The following COL6A2 variants were observed in gnomAD, a reference collection of about 807,000 sequenced individuals.
COL6A2 encodes the protein collagen alpha-2(VI) chain.
COL6A2 carries 90 observed loss-of-function variants against 124.9 expected under a neutral mutation model. The ratio of observed to expected loss-of-function variants is 0.72; its 90% CI spans 0.61 to 0.86. COL6A2 has a LOEUF of 0.86. COL6A2 is among the 40% of genes least tolerant of loss of function. The pLI, the probability that COL6A2 is intolerant of heterozygous loss-of-function variation, is 0.00. For missense variants in COL6A2, 1,607 were observed against 1,502.5 expected (o/e 1.07, Z -1.15); for synonymous variants, 793 against 618.2 (o/e 1.28, Z -4.19).
chr21:46,116,956 CGA>C lies in COL6A2; in HGVS notation c.999+143_999+144del. Reference sequence around the variant, plus strand: ...ACACACACACACACACACACACACACGAACTTCAGCTCCTGCCACATCCCACT... The same window carrying C: ...ACACACACACACACACACACACACACACTTCAGCTCCTGCCACATCCCACT... On this transcript the variant is annotated intron_variant, in intron 10 of 27. Transcript: ENST00000300527. The surrounding 1 kb of genome is among the most constrained non-coding windows in gnomAD (Gnocchi z 4.6). 1.2e-6 allele frequency: 1 copy of C among 813,324 alleles called. No homozygotes were observed. Among genetic ancestry groups the C allele is most frequent in the Non-Finnish European group, 2.0e-6 (1 of 506,120 alleles). 50.4% of individuals were successfully genotyped at this position (813,324 alleles called of 1,614,324 possible). A position where few individuals can be genotyped will look rare whatever the true frequency, so the allele number is the denominator to read the frequency against.
rs572242280 is a variant in COL6A2 at position 46,101,636 on chromosome 21, C to A, written c.-28+3463C>A. Reference sequence around the variant, plus strand: ...ATGTGGATATCTAGTTGTCTCTGCACCGTTTGTTGAAAAGACTGTCTTTAT... The same window carrying A: ...ATGTGGATATCTAGTTGTCTCTGCAACGTTTGTTGAAAAGACTGTCTTTAT... On this transcript the variant is annotated intron_variant, in intron 1 of 27. Coordinates refer to ENST00000300527, the MANE Select transcript of COL6A2 (RefSeq NM_001849.4). Among the ~76,000 whole-genome samples the A allele has an allele frequency of 4.9e-4, 74 of 152,136 alleles. 1 individual carries two copies. The highest frequency in any genetic ancestry group is 1.0e-3 in the Non-Finnish European group (69 of 67,986).
intron 14 of COL6A2, 117 bp downstream of exon 14, chr21:46,119,236 A>G: frequency 1.2e-6 from 1 of 807,318 alleles, no homozygotes; most frequent in Non-Finnish European, 2.1e-6. Context: ...CTGGCAAGGC[A>G]CAGCCAGGCC....
intron 1 of COL6A2, among the ~76,000 whole-genome samples, chr21:46,101,457 A>G (rs1403592166): frequency 1.3e-5 from 2 of 152,156 alleles, no homozygotes; most frequent in Non-Finnish European, 2.9e-5. Context: ...TTATTGTCAT[A>G]CCCAAGAAAT....
intron 18 of COL6A2, 61 bp from the exon 19 acceptor site, chr21:46,122,047 A>G (rs1295566924): frequency 1.9e-6 from 3 of 1,568,322 alleles, no homozygotes; most frequent in Non-Finnish European, 2.6e-6. Context: ...CCTGTTGAGC[A>G]CAGCCCCCCA....
intron 27 of COL6A2, among the ~76,000 whole-genome samples, chr21:46,130,414 C>T (rs2078745762): frequency 1.3e-5 from 2 of 152,114 alleles, no homozygotes; most frequent in Non-Finnish European, 2.9e-5. Context: ...ACTGCAGGAG[C>T]CCTCATCCAG....
chr21:46,127,093 G>T (rs1409574718), intron 27 of COL6A2, among the ~76,000 whole-genome samples: 3 of 152,138 alleles, frequency 2.0e-5, no homozygotes, highest in Admixed American at 6.5e-5. Context: ...TGCCGTCCAG[G>T]CTCTGCTGGA....
rs550748412 is a variant in COL6A2 at position 46,125,149 on chromosome 21, C to T, written c.1771-117C>T. 1,319 of 1,118,484 alleles carry T rather than the reference C, an allele frequency of 1.2e-3. 4 individuals carry two copies. The highest frequency in any genetic ancestry group is 5.7e-3 in the Middle Eastern group (26 of 4,592). 69.3% of individuals were successfully genotyped at this position (1,118,484 alleles called of 1,614,324 possible). On this transcript the variant is annotated intron_variant, in intron 23 of 27. Transcript: ENST00000300527. ...TAGGGACAGGACCCGCCAGCCTCCC[C>T]GCATGGCTGCCTCCACACGTGGGCT...
intron 27 of COL6A2, among the ~76,000 whole-genome samples, chr21:46,130,416 C>T (rs1265547731): frequency 2.0e-5 from 3 of 152,134 alleles, no homozygotes; most frequent in Non-Finnish European, 1.5e-5. Flanking sequence ...TGCAGGAGCC[C>T]TCATCCAGGC....
chr21:46,112,505 C>G lies in COL6A2; in HGVS notation c.642C>G (p.Asn214Lys). Reference protein sequence around the residue: ...IASTPHELYRNDYATMLPDST... With the variant: ...IASTPHELYRKDYATMLPDST... Reference sequence around the variant, plus strand: ...GCACGCCGCACGAGCTCTACCGCAACGACTACGCCACCATGCTGCCCGACT... The same window carrying G: ...GCACGCCGCACGAGCTCTACCGCAAGGACTACGCCACCATGCTGCCCGACT... Residue 214 changes from asparagine (N) to lysine (K), a missense_variant, in exon 3 of 28, where the codon AAC (asparagine) becomes AAG (lysine). This residue lies in a region of COL6A2 where 342 missense variants were observed against 381.5 expected (regional missense o/e 0.90). Transcript: ENST00000300527. 1.9e-6 allele frequency: 3 copies of G among 1,611,948 alleles called. No homozygotes were observed. Among genetic ancestry groups the G allele is most frequent in the Non-Finnish European group, 1.7e-6 (2 of 1,179,850 alleles).
At chr21:46,112,963 G>A (rs2078425983) in intron 4 of COL6A2, 139 bp downstream of exon 4, 1 of 1,094,882 alleles carries the variant, frequency 9.1e-7, no homozygotes, top group Non-Finnish European at 1.4e-6. Flanking sequence ...TGTTGGACCT[G>A]AGGCCTTGGA....
intron 1 of COL6A2, among the ~76,000 whole-genome samples, chr21:46,111,159 C>G (rs2078393005): frequency 6.6e-6 from 1 of 152,166 alleles, no homozygotes; most frequent in South Asian, 2.1e-4. Context: ...GCTACCCACT[C>G]CACCCAGCCC....
In COL6A2 at chr21:46,122,072, T is replaced by C. The variant is rs9976026; in HGVS notation, c.1522-36T>C. 263,172 of 1,609,124 alleles carry C rather than the reference T, an allele frequency of 0.16. 24,245 individuals carry two copies. The highest frequency in any genetic ancestry group is 0.19 in the Non-Finnish European group (226,713 of 1,177,142). ...ACAGCCCCCCAGCCCCACCCCGTCCTATGACCATGCTGACCGACTCAACGT... is the reference window on the plus strand; with the variant it reads ...ACAGCCCCCCAGCCCCACCCCGTCCCATGACCATGCTGACCGACTCAACGT... On this transcript the variant is annotated intron_variant, in intron 18 of 27. Transcript: ENST00000300527.
chr21:46,111,358 C>T, intron 1 of COL6A2, 92 bp from the exon 2 acceptor site: 2 of 697,430 alleles, frequency 2.9e-6, no homozygotes, highest in South Asian at 3.3e-5. Context: ...TGCCCCCAAT[C>T]CCGCTGACCT....
At chr21:46,128,979 C>A in intron 27 of COL6A2, 4 of 1,608,354 alleles carry the variant, frequency 2.5e-6, no homozygotes, top group Non-Finnish European at 3.4e-6. Flanking sequence ...CCGTGCGGGT[C>A]TCCTAGCTCC....
Position 46,120,532 on chromosome 21 carries a change from G to T in COL6A2, c.1350G>T (p.Glu450Asp). The T allele has an allele frequency of 6.7e-7, 1 of 1,485,332 alleles. No homozygotes were observed. The highest frequency in any genetic ancestry group is 2.7e-5 in the Admixed American group (1 of 37,526). The allele number at this position is 1,485,332 out of a possible 1,614,324, so 92.0% of individuals were successfully genotyped here. The part of the protein sequence containing the change: ...PKGEKGDPGP[E>D]GPRGLAGEVG... ...TCCCACAGGGGGACCCTGGCCCTGA[G>T]GGGCCCCGCGGCCTGGCTGGAGAGG... The change falls in exon 16 of 28, where the codon GAG becomes GAT. Residue 450 changes from glutamate to aspartate, a missense_variant. Glu to Asp is a conservative substitution (Grantham distance 45, BLOSUM62 2). Coordinates refer to ENST00000300527, the MANE Select transcript of COL6A2 (RefSeq NM_001849.4).
chr21:46,116,404 G>A lies in COL6A2; in HGVS notation c.927+1G>A. On this transcript the variant is annotated splice_donor_variant, in intron 8 of 27. Transcript: ENST00000300527. LOFTEE classifies it high-confidence loss of function. The surrounding 1 kb of genome is among the most constrained non-coding windows in gnomAD (Gnocchi z 4.6). ...CGTTCCTGGCTTCAAAGGAGAGAAG[G>A]TGAGGCTCTTGCCCTGACAGACCTC... 1 of 1,613,030 alleles carries A rather than the reference G, an allele frequency of 6.2e-7. No individual in the cohort carries two copies. The highest frequency in any genetic ancestry group is 8.5e-7 in the Non-Finnish European group (1 of 1,180,020).
rs755252618 is a variant in COL6A2 at position 46,116,853 on chromosome 21, C to T, written c.999+39C>T. 13 of 1,610,814 alleles carry T rather than the reference C, an allele frequency of 8.1e-6. No individual in the cohort carries two copies. The highest frequency in any genetic ancestry group is 7.7e-5 in the South Asian group (7 of 91,010). On this transcript the variant is annotated intron_variant, in intron 10 of 27. Coordinates refer to ENST00000300527, the MANE Select transcript of COL6A2 (RefSeq NM_001849.4). This position sits in a 1 kb window ranked among gnomAD's most constrained non-coding sequence, Gnocchi z 4.6. ...CGGGCTCACAGCTGGACTGGTCTCA[C>T]AGAGGCATCCCAGCCTCTGCAGGGC...
chr21:46,115,357 C>T (rs1327694507), intron 5 of COL6A2, among the ~76,000 whole-genome samples: 1 of 152,194 alleles, frequency 6.6e-6, no homozygotes, highest in Admixed American at 6.5e-5. Context: ...CCTCTTTGCA[C>T]TTAAATTGGG....
chr21:46,124,696 G>A lies in COL6A2; in HGVS notation c.1717G>A (p.Gly573Arg). ...PGEPGPRGPR[G>R]VPGPEGEPGP... ...TGAGCCAGGCCCTCGGGGGCCAAGAGGAGTCCCAGGACCCGAGGTAGGTTG... is the reference window on the plus strand; with the variant it reads ...TGAGCCAGGCCCTCGGGGGCCAAGAAGAGTCCCAGGACCCGAGGTAGGTTG... The change falls in exon 22 of 28, where the codon GGA (glycine) becomes AGA (arginine). Residue 573 changes from glycine to arginine, a missense_variant. By Grantham distance (125) the Gly-to-Arg change is moderately radical. This residue lies in a region of COL6A2 where 1,223 missense variants were observed against 1,052.2 expected (regional missense o/e 1.16). Coordinates refer to ENST00000300527, the MANE Select transcript of COL6A2 (RefSeq NM_001849.4). 1 of 1,612,876 alleles carries A rather than the reference G, an allele frequency of 6.2e-7. No individual in the cohort carries two copies. The highest frequency in any genetic ancestry group is 8.5e-7 in the Non-Finnish European group (1 of 1,179,936).
Sources: allele counts gnomAD v4.1 joint callset (sites outside exome capture counted in the v4.1 genomes callset), GRCh38; gene constraint gnomAD v4.1.1; regional missense constraint gnomAD v4.1.1; non-coding constraint Gnocchi (gnomAD v3.1); transcripts MANE v1.5; gene names NCBI Gene and HGNC (gene_info 2026-07-23, HGNC 2026-07-21).